The following LGI2 variants were observed in gnomAD, a reference collection of about 807,000 sequenced individuals.
The protein encoded by LGI2 is leucine-rich repeat LGI family member 2.
LGI2 carries 30 observed loss-of-function variants against 52.0 expected under a neutral mutation model. That is an observed-to-expected ratio of 0.58 (90% CI 0.43 to 0.78). The LOEUF (loss-of-function observed/expected upper bound fraction) is 0.78, where lower values mean the gene tolerates loss of function less well. LGI2 is among the 30% of genes least tolerant of loss of function. The pLI is 0.00. For synonymous variants in LGI2, 270 were observed against 271.8 expected, an observed-to-expected ratio of 0.99 and a Z score of 0.06; for missense variants, 573 against 692.5, an observed-to-expected ratio of 0.83 and a Z score of 1.94.
At chr4:25,022,869 C>T (rs956771527) in intron 4 of LGI2, among the ~76,000 whole-genome samples, 3 of 152,154 alleles carry the variant, frequency 2.0e-5, no homozygotes, top group Non-Finnish European at 2.9e-5. Context: ...TATAATCTGC[C>T]CAGAGCTTTT....
In LGI2 at chr4:25,003,227, T is replaced by C; in HGVS notation, c.*224A>G. 1 of 456,536 alleles carries C rather than the reference T, an allele frequency of 2.2e-6. No homozygotes were observed. Among genetic ancestry groups the C allele is most frequent in the East Asian group, 3.6e-5 (1 of 27,922 alleles). 28.3% of individuals were successfully genotyped at this position (456,536 alleles called of 1,614,324 possible). A position where few individuals can be genotyped will look rare whatever the true frequency, so the allele number is the denominator to read the frequency against. ...TACTCTTTTCTCAGAAATTACAGGC[T>C]TTAAGATTTTTTTTTAAATGGTAGA... On this transcript the variant is annotated 3_prime_UTR_variant, in exon 8 of 8. Coordinates refer to ENST00000382114, the MANE Select transcript of LGI2 (RefSeq NM_018176.4).
chr4:25,004,346 G>T lies in LGI2; in HGVS notation c.821-78C>A. On this transcript the variant is annotated intron_variant, in intron 7 of 7. Coordinates refer to ENST00000382114, the MANE Select transcript of LGI2 (RefSeq NM_018176.4). This position sits in a 1 kb window ranked among gnomAD's most constrained non-coding sequence, Gnocchi z 4.6. The stretch of plus-strand genomic sequence containing the variant: ...ATCTCCGCTTGTACTCTTATACACT[G>T]CTGGTGGGAGTGTGAAATGGCACAG... 8.0e-7 allele frequency: 1 copy of T among 1,249,132 alleles called. No individual in the cohort carries two copies. The highest frequency in any genetic ancestry group is 1.1e-6 in the Non-Finnish European group (1 of 900,542). 77.4% of individuals were successfully genotyped at this position (1,249,132 alleles called of 1,614,324 possible). A position where few individuals can be genotyped will look rare whatever the true frequency, so the allele number is the denominator to read the frequency against.
At chr4:25,007,286 G>T (rs2324640) in intron 7 of LGI2, among the ~76,000 whole-genome samples, 14,104 of 152,192 alleles carry the variant, frequency 0.093, 1,028 homozygotes, top group African/African-American at 0.21. Flanking sequence ...GTGTTCTCAA[G>T]TGTAAGAATT....
At chr4:25,019,640 C>G (rs1725890952) in intron 4 of LGI2, among the ~76,000 whole-genome samples, 1 of 152,142 alleles carries the variant, frequency 6.6e-6, no homozygotes, top group Admixed American at 6.5e-5. Flanking sequence ...GGCCTCCTTG[C>G]TATTCCTCCA....
Position 25,026,907 on chromosome 4 carries a change from C to T in LGI2, c.302G>A (p.Arg101Gln), listed in dbSNP as rs138015592. 511 of 1,613,560 alleles carry T rather than the reference C, an allele frequency of 3.2e-4. 3 individuals carry two copies. The African/African-American group carries it at 5.5e-3, about 17-fold the overall frequency. ...AAAAAGTCCAGCAAAAGCATCATCCCGGATGATCGTGAATGAGTTAGAATT... is the reference window on the plus strand; with the variant it reads ...AAAAAGTCCAGCAAAAGCATCATCCTGGATGATCGTGAATGAGTTAGAATT... ...LLNSNSFTII[R>Q]DDAFAGLFHL... Residue 101 changes from arginine to glutamine, a missense_variant, in exon 3 of 8, where the codon CGG (arginine) becomes CAG (glutamine). Arg to Gln is a conservative substitution (Grantham distance 43). Coordinates refer to ENST00000382114, the MANE Select transcript of LGI2 (RefSeq NM_018176.4).
At chr4:25,030,091 AAC>A (rs35093206) in intron 1 of LGI2, among the ~76,000 whole-genome samples, 9 of 151,002 alleles carry the variant, frequency 6.0e-5, no homozygotes, top group African/African-American at 1.7e-4. Flanking sequence ...CCAACCCGCA[AAC>A]ACACACACAC....
intron 4 of LGI2, among the ~76,000 whole-genome samples, chr4:25,021,710 T>A (rs544599695): frequency 1.3e-5 from 2 of 152,064 alleles, no homozygotes; most frequent in South Asian, 4.2e-4. Flanking sequence ...GGTGGGTGGA[T>A]CATGAGGTCA....
chr4:25,004,352 G>A lies in LGI2; in HGVS notation c.821-84C>T. The A allele has an allele frequency of 8.2e-7, 1 of 1,226,848 alleles. No homozygotes were observed. 76.0% of individuals were successfully genotyped at this position (1,226,848 alleles called of 1,614,324 possible). On this transcript the variant is annotated intron_variant, in intron 7 of 7. Coordinates refer to ENST00000382114, the MANE Select transcript of LGI2 (RefSeq NM_018176.4). The surrounding 1 kb of genome is among the most constrained non-coding windows in gnomAD (Gnocchi z 4.6). ...GCTTGTACTCTTATACACTGCTGGT[G>A]GGAGTGTGAAATGGCACAGCCACTA...
intron 4 of LGI2, among the ~76,000 whole-genome samples, chr4:25,020,617 T>C (rs938142497): frequency 2.0e-5 from 3 of 152,224 alleles, no homozygotes; most frequent in African/African-American, 7.2e-5. Context: ...ATGAAATGCA[T>C]CTTCTGTATC....
At chr4:25,005,207 G>A (rs1372302703) in intron 7 of LGI2, among the ~76,000 whole-genome samples, 2 of 152,202 alleles carry the variant, frequency 1.3e-5, no homozygotes, top group African/African-American at 2.4e-5. Flanking sequence ...GCGTTTGGAC[G>A]TTAGTTGTAC....
chr4:25,011,033 G>A (rs1318176181), intron 7 of LGI2, among the ~76,000 whole-genome samples: 1 of 150,370 alleles, frequency 6.7e-6, no homozygotes, highest in Non-Finnish European at 1.5e-5. Context: ...AATGAGGCAA[G>A]ATTACATCAC....
chr4:24,995,201 C>G (rs569699411), downstream of LGI2, among the ~76,000 whole-genome samples: 3 of 152,214 alleles, frequency 2.0e-5, no homozygotes, highest in Non-Finnish European at 2.9e-5. Flanking sequence ...TGTGGTGACA[C>G]GTCATAGTGT....
At chr4:25,019,286 G>A in intron 4 of LGI2, 48 bp from the exon 5 acceptor site, 2 of 1,250,568 alleles carry the variant, frequency 1.6e-6, no homozygotes, top group Non-Finnish European at 2.3e-6. Flanking sequence ...CTCATGCCCT[G>A]TCACTCTCAA....
chr4:25,030,437 T>A lies in LGI2; in HGVS notation c.197+60A>T, dbSNP rs921131487. 6.3e-6 allele frequency: 9 copies of A among 1,418,848 alleles called. No homozygotes were observed. The African/African-American group carries it at 1.3e-4, about 21-fold the overall frequency. The allele number at this position is 1,418,848 out of a possible 1,614,324, so 87.9% of individuals were successfully genotyped here. ...TGGCCCGGCGCCAGAGGCAACTCCCTCGCGGCGGCGGACGCAGGGTGGGGC... is the reference window on the plus strand; with the variant it reads ...TGGCCCGGCGCCAGAGGCAACTCCCACGCGGCGGCGGACGCAGGGTGGGGC... On this transcript the variant is annotated intron_variant, in intron 1 of 7. Coordinates refer to ENST00000382114, the MANE Select transcript of LGI2 (RefSeq NM_018176.4).
chr4:25,024,449 G>A (rs1445400079), intron 4 of LGI2, among the ~76,000 whole-genome samples: 1 of 152,166 alleles, frequency 6.6e-6, no homozygotes, highest in African/African-American at 2.4e-5. Context: ...AGGAGGCGGA[G>A]GCTGCAGTGA....
At position 24,999,252 on chromosome 4, in the gene LGI2, T is replaced by C. The variant is rs1317200516; in HGVS notation, c.*4199A>G. ...AATATGCTTCTTATTTGAATGAGCA[T>C]TACAGTTGGCTCTCTTCATTAATAA... On this transcript the variant is annotated 3_prime_UTR_variant, in exon 8 of 8. Coordinates refer to ENST00000382114, the MANE Select transcript of LGI2 (RefSeq NM_018176.4). 6.6e-6 allele frequency: 1 copy of C among 152,376 alleles called. No homozygotes were observed. The highest frequency in any genetic ancestry group is 1.5e-5 in the Non-Finnish European group (1 of 68,166). 9.4% of individuals were successfully genotyped at this position (152,376 alleles called of 1,614,324 possible).
In LGI2 at chr4:25,019,174, T is replaced by A; in HGVS notation, c.478A>T (p.Ile160Phe). 2 of 1,595,402 alleles carry A rather than the reference T, an allele frequency of 1.3e-6. No homozygotes were observed. Among genetic ancestry groups the A allele is most frequent in the Non-Finnish European group, 1.7e-6 (2 of 1,164,952 alleles). ...RDVFSDLDSL[I>F]ELDLRGNKFE... ...CTAAATTTCATTACTTACAGTTCAA[T>A]CAGAGAGTCTAAATCACTGAAGACA... Residue 160 changes from isoleucine (I) to phenylalanine (F), a missense_variant, in exon 5 of 8, where the codon ATT becomes TTT. Ile to Phe is a conservative substitution (Grantham distance 21, BLOSUM62 0). Coordinates refer to ENST00000382114, the MANE Select transcript of LGI2 (RefSeq NM_018176.4).
At chr4:25,024,513 CA>C (rs1003118309) in intron 4 of LGI2, among the ~76,000 whole-genome samples, 26 of 148,366 alleles carry the variant, frequency 1.8e-4, no homozygotes, top group African/African-American at 4.7e-4. Flanking sequence ...GACTCCGTCT[CA>C]AAAAAAAAAA....
intron 6 of LGI2, among the ~76,000 whole-genome samples, chr4:25,013,025 C>T (rs1725640510): frequency 1.3e-5 from 2 of 152,234 alleles, no homozygotes; most frequent in Non-Finnish European, 1.5e-5. Flanking sequence ...AACCCTAGCT[C>T]GGGATTACCT....
Sources: allele counts gnomAD v4.1 joint callset (sites outside exome capture counted in the v4.1 genomes callset), GRCh38; gene constraint gnomAD v4.1.1; non-coding constraint Gnocchi (gnomAD v3.1); transcripts MANE v1.5; gene names NCBI Gene and HGNC (gene_info 2026-07-23, HGNC 2026-07-21).